ROBO1: variants seen among roughly 807,000 people sequenced by gnomAD.
The protein encoded by ROBO1 is roundabout guidance receptor 1, also known as roundabout homolog 1.
In ROBO1, 149 loss-of-function variants were observed where a neutral mutation model predicts 195.9. The ratio of observed to expected loss-of-function variants is 0.76; its 90% CI spans 0.67 to 0.87. The LOEUF is 0.87. ROBO1 is among the 40% of genes least tolerant of loss of function. The pLI, the probability that ROBO1 is intolerant of heterozygous loss-of-function variation, is 0.00. For missense variants in ROBO1, 1,933 were observed against 2,068.3 expected (o/e 0.93, Z 1.27); for synonymous variants, 816 against 733.2 (o/e 1.11, Z -1.82).
intron 2 of ROBO1, among the ~76,000 whole-genome samples, chr3:79,481,606 C>T (rs925249220): frequency 2.6e-5 from 4 of 152,138 alleles, no homozygotes; most frequent in Non-Finnish European, 5.9e-5. Flanking sequence ...ACTTAATGGT[C>T]AAGTTTCTTG....
At chr3:79,627,683 C>A (rs1297228951) in intron 1 of ROBO1, among the ~76,000 whole-genome samples, 1 of 152,074 alleles carries the variant, frequency 6.6e-6, no homozygotes, top group African/African-American at 2.4e-5. Context: ...TTCTGCACAG[C>A]AAAAGTAACT....
At chr3:78,954,053 A>T (rs542042491) in intron 3 of ROBO1, among the ~76,000 whole-genome samples, 1 of 151,952 alleles carries the variant, frequency 6.6e-6, no homozygotes, top group Non-Finnish European at 1.5e-5. Context: ...CTAAATCTTT[A>T]GTTTAAGTTG....
At chr3:78,792,616 C>T (rs185112556) in intron 4 of ROBO1, among the ~76,000 whole-genome samples, 1 of 152,292 alleles carries the variant, frequency 6.6e-6, no homozygotes, top group African/African-American at 2.4e-5. Flanking sequence ...ATCACGTACT[C>T]CATCCAGGAC....
At chr3:79,237,981 C>A (rs1045648979) in intron 2 of ROBO1, among the ~76,000 whole-genome samples, 1 of 152,126 alleles carries the variant, frequency 6.6e-6, no homozygotes, top group African/African-American at 2.4e-5. Flanking sequence ...TTCTGTCACA[C>A]CTGACCTACA....
At chr3:79,232,673 C>A (rs757795871) in intron 2 of ROBO1, among the ~76,000 whole-genome samples, 1 of 152,068 alleles carries the variant, frequency 6.6e-6, no homozygotes, top group Non-Finnish European at 1.5e-5. Context: ...TTTCCATCAG[C>A]CAACTTAATG....
intron 4 of ROBO1, among the ~76,000 whole-genome samples, chr3:78,786,948 C>T (rs541191421): frequency 9.9e-5 from 15 of 152,272 alleles, no homozygotes; most frequent in African/African-American, 2.9e-4. Context: ...AATGAGTCAA[C>T]GAGCCAGCAT....
chr3:79,762,627 CACACAAAAGCCGAG>C lies in ROBO1; in HGVS notation c.-51+5111_-51+5124del, dbSNP rs1363621011. Among the ~76,000 whole-genome samples, 10 of 117,914 alleles carry C rather than the reference CACACAAAAGCCGAG, an allele frequency of 8.5e-5. No individual in the cohort carries two copies. The East Asian group carries it at 1.5e-3, about 17-fold the overall frequency. The allele number at this position is 117,914 out of a possible 152,430, so 77.4% of individuals were successfully genotyped here. A position where few individuals can be genotyped will look rare whatever the true frequency, so the allele number is the denominator to read the frequency against. On this transcript the variant is annotated intron_variant, in intron 1 of 30. Transcript: ENST00000464233. Reference sequence around the variant, plus strand: ...CTGGACAAACACACACACACACACACACACAAAAGCCGAGAGGAATGAAACATCCTGAGTGTTTA... The same window carrying C: ...CTGGACAAACACACACACACACACACAGGAATGAAACATCCTGAGTGTTTA...
At chr3:78,627,654 T>C (rs1704899072) in intron 25 of ROBO1, 85 bp from the exon 26 acceptor site, 8 of 1,395,734 alleles carry the variant, frequency 5.7e-6, no homozygotes, top group Admixed American at 2.6e-5. Context: ...CACCTTTAAA[T>C]TGTTTTTCAA....
At chr3:79,020,713 T>A (rs1250748236) in intron 3 of ROBO1, among the ~76,000 whole-genome samples, 1 of 151,894 alleles carries the variant, frequency 6.6e-6, no homozygotes, top group African/African-American at 2.4e-5. Flanking sequence ...AATAAATAAA[T>A]AAAAAGACAC....
Position 79,646,847 on chromosome 3 carries a change from G to A in ROBO1, c.-50-56886C>T, listed in dbSNP as rs201381594. ...CATATGTTCTCAATCATATAATGGAGGTAAAAGAGCAGATCCCATAAAGAC... is the reference window on the plus strand; with the variant it reads ...CATATGTTCTCAATCATATAATGGAAGTAAAAGAGCAGATCCCATAAAGAC... On this transcript the variant is annotated intron_variant, in intron 1 of 30. Transcript: ENST00000464233. 2.8e-4 allele frequency among the ~76,000 whole-genome samples: 43 copies of A among 152,162 alleles called. No individual in the cohort carries two copies. In the East Asian group the frequency reaches 8.3e-3, roughly 30 times the overall value.
intron 23 of ROBO1, 145 bp downstream of exon 23, chr3:78,635,628 G>A (rs915689017): frequency 1.5e-6 from 1 of 659,956 alleles, no homozygotes. Flanking sequence ...CTTTGACACT[G>A]GAAATTTTGA....
At chr3:78,636,668 G>C (rs970786649) in intron 22 of ROBO1, among the ~76,000 whole-genome samples, 1 of 151,644 alleles carries the variant, frequency 6.6e-6, no homozygotes, top group African/African-American at 2.4e-5. Context: ...AATTCTATTA[G>C]TTCTTGTTGT....
intron 3 of ROBO1, among the ~76,000 whole-genome samples, chr3:78,991,583 C>T (rs1007724345): frequency 6.6e-6 from 1 of 152,184 alleles, no homozygotes; most frequent in Admixed American, 6.5e-5. Context: ...GTATAATGCT[C>T]ACTATTTGAT....
chr3:78,729,259 G>A (rs990454411), intron 5 of ROBO1, among the ~76,000 whole-genome samples: 15 of 152,178 alleles, frequency 9.9e-5, no homozygotes, highest in Admixed American at 4.6e-4. Context: ...CTAATTGCAC[G>A]TAAGTGGGAG....
chr3:79,112,213 A>G (rs2079899337), intron 3 of ROBO1, among the ~76,000 whole-genome samples: 1 of 152,172 alleles, frequency 6.6e-6, no homozygotes, highest in East Asian at 1.9e-4. Context: ...AAGAATATGA[A>G]TATTTGAATT....
intron 1 of ROBO1, among the ~76,000 whole-genome samples, chr3:79,674,723 C>A (rs962234855): frequency 2.6e-5 from 4 of 151,434 alleles, no homozygotes; most frequent in African/African-American, 9.7e-5. Flanking sequence ...ATTATTTATG[C>A]AAGGATTTAT....
intron 2 of ROBO1, chr3:79,533,000 T>A: frequency 3.1e-6 from 1 of 327,182 alleles, no homozygotes; most frequent in South Asian, 2.4e-5. Context: ...AAAAAGTATC[T>A]TGTAATTAAG....
chr3:79,361,904 A>G (rs532805174), intron 2 of ROBO1, among the ~76,000 whole-genome samples: 3 of 152,002 alleles, frequency 2.0e-5, no homozygotes, highest in Non-Finnish European at 2.9e-5. Context: ...TGATTAAAAA[A>G]TAATTTTTCT....
intron 2 of ROBO1, among the ~76,000 whole-genome samples, chr3:79,387,204 C>G (rs1335723962): frequency 6.6e-6 from 1 of 151,936 alleles, no homozygotes; most frequent in African/African-American, 2.4e-5. Context: ...AAGATTCTTA[C>G]AAAGAAAGTA....
Sources: gnomAD v4.1 joint callset for allele counts (sites outside exome capture counted in the v4.1 genomes callset) on GRCh38, gnomAD v4.1.1 for gene constraint, MANE v1.5 for transcripts, NCBI Gene and HGNC (gene_info 2026-07-23, HGNC 2026-07-21) for gene names.